The following STX8 variants were observed in gnomAD, a reference collection of about 807,000 sequenced individuals.
STX8 encodes the protein syntaxin-8.
A neutral mutation model predicts 37.5 loss-of-function variants in STX8; 23 were observed. The observed-to-expected ratio is 0.61, with a 90% CI of 0.44 to 0.87. The LOEUF (loss-of-function observed/expected upper bound fraction) is 0.87, where lower values mean the gene tolerates loss of function less well. STX8 is among the 40% of genes least tolerant of loss of function. The pLI is 0.00. For synonymous variants in STX8, 115 were observed against 99.1 expected, an observed-to-expected ratio of 1.16 and a Z score of -0.95; for missense variants, 313 against 284.7, an observed-to-expected ratio of 1.10 and a Z score of -0.71.
At chr17:9,256,899 G>A (rs1395390170) in intron 7 of STX8, among the ~76,000 whole-genome samples, 1 of 152,162 alleles carries the variant, frequency 6.6e-6, no homozygotes, top group Non-Finnish European at 1.5e-5. Context: ...CCCAGCTAAG[G>A]AAATGTTTGA....
intron 4 of STX8, among the ~76,000 whole-genome samples, chr17:9,526,972 G>A (rs1905598434): frequency 6.6e-6 from 1 of 150,404 alleles, no homozygotes; most frequent in Non-Finnish European, 1.5e-5. Context: ...GAGGTCAGGA[G>A]ATCGAGACCA....
chr17:9,265,600 G>C (rs1907206790), intron 7 of STX8, among the ~76,000 whole-genome samples: 1 of 152,240 alleles, frequency 6.6e-6, no homozygotes. Flanking sequence ...CTCAACAAAT[G>C]AAACAGAAGG....
rs11300957 is a variant in STX8, at chr17:9,547,246, C to CAAAAAA, written c.213-1970_213-1965dup. The stretch of plus-strand genomic sequence containing the variant: ...CTGGTGAAAGAGCGAGACTCTGTCT[C>CAAAAAA]AAAAAAAAAAAAAAAAAAAAGAAAA... On this transcript the variant is annotated intron_variant, in intron 3 of 7. Coordinates refer to ENST00000306357, the MANE Select transcript of STX8 (RefSeq NM_004853.3). 94 of 129,614 alleles carry CAAAAAA rather than the reference C, an allele frequency of 7.3e-4. 2 individuals carry two copies. The highest frequency in any genetic ancestry group is 2.7e-3 in the African/African-American group (88 of 32,858). The allele number at this position is 129,614 out of a possible 1,614,324, so 8.0% of individuals were successfully genotyped here. A position where few individuals can be genotyped will look rare whatever the true frequency, so the allele number is the denominator to read the frequency against.
intron 2 of STX8, among the ~76,000 whole-genome samples, chr17:9,563,172 T>TATTC (rs1308458518): frequency 1.3e-5 from 2 of 150,414 alleles, no homozygotes; most frequent in African/African-American, 4.9e-5. Context: ...TTTATTTATT[T>TATTC]ATTTATTTAT....
In STX8 at chr17:9,506,409, C is replaced by T. The variant is rs1356118111; in HGVS notation, c.324-1247G>A. 2.4e-4 allele frequency among the ~76,000 whole-genome samples: 8 copies of T among 33,426 alleles called. 1 individual carries two copies. The highest frequency in any genetic ancestry group is 5.4e-4 in the Non-Finnish European group (8 of 14,714). The allele number at this position is 33,426 out of a possible 152,430, so 21.9% of individuals were successfully genotyped here. A position where few individuals can be genotyped will look rare whatever the true frequency, so the allele number is the denominator to read the frequency against. On this transcript the variant is annotated intron_variant, in intron 4 of 7. Transcript: ENST00000306357. ...AGAGTCAGCTGGTGCTCACCCGCTCCCCCCCCCCCCCACCCACCTTTCTTA... is the reference window on the plus strand; with the variant it reads ...AGAGTCAGCTGGTGCTCACCCGCTCTCCCCCCCCCCCACCCACCTTTCTTA...
chr17:9,485,532 A>C (rs1344358503), intron 6 of STX8, among the ~76,000 whole-genome samples: 2 of 152,148 alleles, frequency 1.3e-5, no homozygotes, highest in African/African-American at 2.4e-5. Flanking sequence ...ACAGAGGAAA[A>C]ACTAGGAAAC....
At chr17:9,360,225 G>GTTTTTTTTT (rs1697900707) in intron 7 of STX8, among the ~76,000 whole-genome samples, 5 of 121,834 alleles carry the variant, frequency 4.1e-5, no homozygotes, top group African/African-American at 1.2e-4. Flanking sequence ...AAAATTAACC[G>GTTTTTTTTT]TCTTTTTTTT....
At chr17:9,518,156 T>C (rs1905210401) in intron 4 of STX8, among the ~76,000 whole-genome samples, 1 of 152,132 alleles carries the variant, frequency 6.6e-6, no homozygotes, top group African/African-American at 2.4e-5. Flanking sequence ...CAAACTTCCA[T>C]GAAGAATAAC....
intron 4 of STX8, among the ~76,000 whole-genome samples, chr17:9,536,217 C>T (rs184266539): frequency 5.7e-4 from 87 of 152,276 alleles, no homozygotes; most frequent in Non-Finnish European, 1.0e-3. Context: ...TCTCCTTTCT[C>T]TTCTATTGTT....
intron 6 of STX8, among the ~76,000 whole-genome samples, chr17:9,388,511 C>T (rs1160281479): frequency 6.6e-6 from 1 of 151,554 alleles, no homozygotes; most frequent in Non-Finnish European, 1.5e-5. Context: ...TTGACATAAA[C>T]ATATACATTT....
At chr17:9,438,742 C>G (rs1438649134) in intron 6 of STX8, among the ~76,000 whole-genome samples, 1 of 151,858 alleles carries the variant, frequency 6.6e-6, no homozygotes, top group Non-Finnish European at 1.5e-5. Flanking sequence ...TCCTGGCTAA[C>G]ACGGTGAAAC....
intron 7 of STX8, among the ~76,000 whole-genome samples, chr17:9,312,422 AACT>A (rs1909223703): frequency 6.6e-6 from 1 of 151,022 alleles, no homozygotes; most frequent in Admixed American, 6.6e-5. Flanking sequence ...GCTGGTCTCA[AACT>A]CCCGACCTCA....
chr17:9,557,419 T>C lies in STX8; in HGVS notation c.212+15A>G, dbSNP rs1422126599. The C allele has an allele frequency of 1.2e-6, 2 of 1,605,616 alleles. No individual in the cohort carries two copies. The highest frequency in any genetic ancestry group is 1.7e-5 in the Admixed American group (1 of 59,978). The stretch of plus-strand genomic sequence containing the variant: ...TCCCACTCTAGAAAAGAGGTGGAAA[T>C]GTTTACATGGATACATCTGATGTGT... On this transcript the variant is annotated intron_variant, in intron 3 of 7. Transcript: ENST00000306357.
chr17:9,409,359 T>C (rs954547384), intron 6 of STX8, among the ~76,000 whole-genome samples: 1 of 152,158 alleles, frequency 6.6e-6, no homozygotes, highest in East Asian at 1.9e-4. Flanking sequence ...CTGGCAACTA[T>C]GTATCTTCTG....
chr17:9,395,620 G>A (rs1355036901), intron 6 of STX8, among the ~76,000 whole-genome samples: 1 of 152,136 alleles, frequency 6.6e-6, no homozygotes, highest in East Asian at 1.9e-4. Context: ...TATGGTACAG[G>A]CTAAGGTATA....
At chr17:9,378,110 G>C (rs899414649) in intron 7 of STX8, 1 of 158,130 alleles carries the variant, frequency 6.3e-6, no homozygotes, top group African/African-American at 2.4e-5. Flanking sequence ...CTTGGCATAT[G>C]AATCCCCATT....
intron 7 of STX8, among the ~76,000 whole-genome samples, chr17:9,356,342 C>T (rs930179168): frequency 1.3e-5 from 2 of 152,192 alleles, no homozygotes; most frequent in African/African-American, 4.8e-5. Flanking sequence ...TTCAGTTCAA[C>T]AGGTCCACGA....
At chr17:9,459,257 G>GC (rs1307689926) in intron 6 of STX8, among the ~76,000 whole-genome samples, 8 of 152,324 alleles carry the variant, frequency 5.3e-5, no homozygotes, top group African/African-American at 4.8e-5. Context: ...AGAGATAAAA[G>GC]CAAGAGGTGA....
rs1306102428 is a variant in STX8, at chr17:9,262,258, CGT to C, written c.644-11615_644-11614del. ...CATATTCCTGGGGTGGCCCAGTAGC[CGT>C]GTCTGTTCAACTTAACCCTGCCTCC... On this transcript the variant is annotated intron_variant, in intron 7 of 7. Transcript: ENST00000306357. Among the ~76,000 whole-genome samples the C allele has an allele frequency of 1.3e-4, 20 of 152,296 alleles. 1 individual carries two copies. The highest frequency in any genetic ancestry group is 6.8e-3 in the Middle Eastern group (2 of 294).
Sources: gnomAD v4.1 joint callset for allele counts (sites outside exome capture counted in the v4.1 genomes callset) on GRCh38, gnomAD v4.1.1 for gene constraint, MANE v1.5 for transcripts, NCBI Gene and HGNC (gene_info 2026-07-23, HGNC 2026-07-21) for gene names.